The following RAI1 variants were observed in gnomAD, a reference collection of about 807,000 sequenced individuals.
RAI1 encodes the protein retinoic acid-induced protein 1.
Under a neutral mutation model 123.8 loss-of-function variants are expected in RAI1, and 9 were observed. The observed-to-expected ratio is 0.07, with a 90% CI of 0.04 to 0.13. The LOEUF is 0.13. Among genes scored for constraint, RAI1 ranks in the 10% least tolerant of loss-of-function variants. The probability of loss-of-function intolerance (pLI) is 1.00; values close to 1 mark genes in which losing one functional copy is unlikely to be tolerated. For synonymous variants in RAI1, 1,231 were observed against 1,127.3 expected, an observed-to-expected ratio of 1.09 and a Z score of -1.84; for missense variants, 2,256 against 2,545.8, an observed-to-expected ratio of 0.89 and a Z score of 2.45.
At chr17:17,724,567 G>C (rs1334375456) in intron 2 of RAI1, among the ~76,000 whole-genome samples, 1 of 152,040 alleles carries the variant, frequency 6.6e-6, no homozygotes, top group Non-Finnish European at 1.5e-5. Context: ...CCACGGATGG[G>C]GAGGCGAGAG....
intron 1 of RAI1, among the ~76,000 whole-genome samples, chr17:17,712,142 A>AC (rs1189921357): frequency 6.6e-6 from 1 of 152,206 alleles, no homozygotes; most frequent in African/African-American, 2.4e-5. Context: ...TGGTTCTTTT[A>AC]CATTCCTTAT....
Position 17,801,076 on chromosome 17 carries a change from CT to C in RAI1, c.5565+2564del, listed in dbSNP as rs2032445985. On this transcript the variant is annotated intron_variant, in intron 3 of 5. Transcript: ENST00000353383. The surrounding 1 kb of genome is among the most constrained non-coding windows in gnomAD (Gnocchi z 4.1). ...GGTACCTTGACCTCACTTTTGCGCT[CT>C]GGAGGGCAGAACCTCTGAGCCAGCT... Among the ~76,000 whole-genome samples the C allele has an allele frequency of 6.6e-6, 1 of 152,202 alleles. No homozygotes were observed. Among genetic ancestry groups the C allele is most frequent in the East Asian group, 1.9e-4 (1 of 5,200 alleles).
At chr17:17,803,344 A>G (rs893256519) in intron 3 of RAI1, among the ~76,000 whole-genome samples, 2 of 152,076 alleles carry the variant, frequency 1.3e-5, no homozygotes, top group African/African-American at 2.4e-5. Context: ...GGAGGCAGGG[A>G]CCACAGGGGG....
intron 2 of RAI1, among the ~76,000 whole-genome samples, chr17:17,741,283 T>C (rs1916627158): frequency 6.6e-6 from 1 of 151,726 alleles, no homozygotes; most frequent in Non-Finnish European, 1.5e-5. Context: ...AAAAGAGAGA[T>C]TAGTGGGAAG....
chr17:17,765,914 T>C (rs2030909499), intron 2 of RAI1: 1 of 152,292 alleles, frequency 6.6e-6, no homozygotes. Flanking sequence ...CTTCAGGCTC[T>C]GGTTCTAGAA....
intron 2 of RAI1, among the ~76,000 whole-genome samples, chr17:17,791,062 A>C (rs1171086654): frequency 2.0e-5 from 3 of 152,250 alleles, no homozygotes; most frequent in Non-Finnish European, 4.4e-5. Context: ...CGACAAATCC[A>C]GGGAGAGGAG....
Position 17,809,851 on chromosome 17 carries a change from AGCCGCGCTCTGGGGTC to A in RAI1, c.5710-115_5710-100del. The A allele has an allele frequency of 6.9e-7, 1 of 1,444,142 alleles. No individual in the cohort carries two copies. The highest frequency in any genetic ancestry group is 1.4e-5 in the African/African-American group (1 of 70,162). 89.5% of individuals were successfully genotyped at this position (1,444,142 alleles called of 1,614,324 possible). On this transcript the variant is annotated intron_variant, in intron 5 of 5. Transcript: ENST00000353383. This position sits in a 1 kb window ranked among gnomAD's most constrained non-coding sequence, Gnocchi z 4.9. ...GCCGACGGCCTCGGGCGGAGACCCCAGCCGCGCTCTGGGGTCGCCTGGGTCTGGGGCTTAGGCGGGG... is the reference window on the plus strand; with the variant it reads ...GCCGACGGCCTCGGGCGGAGACCCCAGCCTGGGTCTGGGGCTTAGGCGGGG...
chr17:17,724,986 G>A (rs966336153), intron 2 of RAI1, among the ~76,000 whole-genome samples: 4 of 59,284 alleles, frequency 6.7e-5, no homozygotes, highest in African/African-American at 3.0e-4. Flanking sequence ...ATGAAATCTC[G>A]CACCTCTGCC....
intron 2 of RAI1, among the ~76,000 whole-genome samples, chr17:17,787,483 G>C (rs773551149): frequency 7.2e-5 from 11 of 152,240 alleles, no homozygotes; most frequent in Non-Finnish European, 1.5e-4. Context: ...TTGTCCACAA[G>C]AGACTGATCA....
At chr17:17,783,158 C>T (rs1244885435) in intron 2 of RAI1, among the ~76,000 whole-genome samples, 2 of 152,158 alleles carry the variant, frequency 1.3e-5, no homozygotes, top group Non-Finnish European at 2.9e-5. Context: ...GTGCAGCGCC[C>T]CCTTCCTCTC....
Position 17,793,176 on chromosome 17 carries a change from C to T in RAI1, c.228C>T (p.Asp76=), listed in dbSNP as rs764464100. 1.2e-6 allele frequency: 2 copies of T among 1,613,210 alleles called. No homozygotes were observed. Among genetic ancestry groups the T allele is most frequent in the Non-Finnish European group, 8.5e-7 (1 of 1,179,842 alleles). ...PSGTAAAVAA[D]KYHRGSKALP... The stretch of plus-strand genomic sequence containing the variant: ...GCACTGCAGCCGCGGTGGCCGCCGA[C>T]AAGTACCACCGAGGCAGCAAGGCCC... The change falls in exon 3 of 6, where the codon GAC becomes GAT. Residue 76 remains aspartate, a synonymous_variant. Coordinates refer to ENST00000353383, the MANE Select transcript of RAI1 (RefSeq NM_030665.4).
chr17:17,811,014 T>C lies in RAI1; in HGVS notation c.*1033T>C, dbSNP rs2032754516. On this transcript the variant is annotated 3_prime_UTR_variant, in exon 6 of 6. Coordinates refer to ENST00000353383, the MANE Select transcript of RAI1 (RefSeq NM_030665.4). Reference sequence around the variant, plus strand: ...CCGCAACAGAGCCCCAACCGGGCCTTTGCCGGGTAAGGGGCTACCGCGACG... The same window carrying C: ...CCGCAACAGAGCCCCAACCGGGCCTCTGCCGGGTAAGGGGCTACCGCGACG... The C allele has an allele frequency of 3.1e-6, 1 of 318,106 alleles. No homozygotes were observed. Among genetic ancestry groups the C allele is most frequent in the African/African-American group, 2.3e-5 (1 of 44,332 alleles). 19.7% of individuals were successfully genotyped at this position (318,106 alleles called of 1,614,324 possible).
At chr17:17,750,689 C>CAAAAAAAA (rs57637022) in intron 2 of RAI1, among the ~76,000 whole-genome samples, 10 of 79,744 alleles carry the variant, frequency 1.3e-4, no homozygotes, top group Admixed American at 2.9e-4. Context: ...TACTCCGTCT[C>CAAAAAAAA]AAAAAAAAAA....
intron 4 of RAI1, among the ~76,000 whole-genome samples, chr17:17,804,837 T>G (rs550616872): frequency 1.3e-5 from 2 of 148,224 alleles, no homozygotes; most frequent in East Asian, 3.9e-4. Context: ...GTAGTGTTTT[T>G]ATTTTTATTT....
intron 1 of RAI1, among the ~76,000 whole-genome samples, chr17:17,682,971 C>A (rs960912093): frequency 7.2e-5 from 11 of 152,132 alleles, no homozygotes. Context: ...CTGCTCCGCG[C>A]GCCGCACACT....
In RAI1 at chr17:17,797,711, C is replaced by T. The variant is rs1442522287; in HGVS notation, c.4763C>T (p.Ser1588Leu). The T allele has an allele frequency of 1.2e-6, 2 of 1,613,624 alleles. No individual in the cohort carries two copies. The highest frequency in any genetic ancestry group is 8.5e-7 in the Non-Finnish European group (1 of 1,179,736). The change falls in exon 3 of 6, where the codon TCA becomes TTA. Residue 1588 changes from serine to leucine, a missense_variant. This residue lies in a region of RAI1 where 410 missense variants were observed against 374.6 expected (regional missense o/e 1.09). Transcript: ENST00000353383. ...KYISSCKRLRSDSRTPAFSPF... is the reference protein window; with the variant it reads ...KYISSCKRLRLDSRTPAFSPF... ...ATTTCCTCTTGCAAGCGGCTGAGGT[C>T]AGACAGCCGGACCCCCGCCTTCTCA...
At position 17,794,208 on chromosome 17, in the gene RAI1, C is replaced by T; in HGVS notation, c.1260C>T (p.Asp420=). 6.2e-7 allele frequency: 1 copy of T among 1,613,598 alleles called. No homozygotes were observed. The highest frequency in any genetic ancestry group is 8.5e-7 in the Non-Finnish European group (1 of 1,180,050). Residue 420 remains aspartate (D), a synonymous_variant, in exon 3 of 6, where the codon GAC becomes GAT. Coordinates refer to ENST00000353383, the MANE Select transcript of RAI1 (RefSeq NM_030665.4). ...QAGNCKPLQK[D]KLPENLLSDL... is the part of the protein sequence containing the mutation. ...GCAACTGCAAGCCCCTTCAGAAGGA[C>T]AAGCTCCCTGAGAACCTGCTGTCGG...
chr17:17,759,968 G>A (rs1294158365), intron 2 of RAI1, among the ~76,000 whole-genome samples: 1 of 152,216 alleles, frequency 6.6e-6, no homozygotes, highest in Non-Finnish European at 1.5e-5. Context: ...AAGTTTTTCA[G>A]GGAGGGCTTC....
At chr17:17,730,587 C>G (rs1916237594) in intron 2 of RAI1, among the ~76,000 whole-genome samples, 2 of 152,246 alleles carry the variant, frequency 1.3e-5, no homozygotes, top group South Asian at 4.1e-4. Flanking sequence ...AGATTTAGAC[C>G]TGGGGCCACT....
Sources: gnomAD v4.1 joint callset for allele counts (sites outside exome capture counted in the v4.1 genomes callset) on GRCh38, gnomAD v4.1.1 for gene constraint, gnomAD v4.1.1 regional missense constraint, Gnocchi (gnomAD v3.1) non-coding constraint, MANE v1.5 for transcripts, NCBI Gene and HGNC (gene_info 2026-07-23, HGNC 2026-07-21) for gene names.